The following DLGAP2 variants were observed in gnomAD, a reference collection of about 807,000 sequenced individuals.
DLGAP2 encodes the protein DLG associated protein 2, also known as disks large-associated protein 2.
Under a neutral mutation model 100.3 loss-of-function variants are expected in DLGAP2, and 26 were observed. The ratio of observed to expected loss-of-function variants is 0.26; its 90% confidence interval spans 0.19 to 0.36. DLGAP2 has a LOEUF of 0.36. Ranked by LOEUF, DLGAP2 falls within the 10% of genes least tolerant of loss-of-function variation. The pLI, the probability that DLGAP2 is intolerant of heterozygous loss-of-function variation, is 1.00. For missense variants in DLGAP2, 1,858 were observed against 1,453.2 expected (o/e 1.28, Z -4.53); for synonymous variants, 886 against 630.1 (o/e 1.41, Z -6.08).
chr8:1,501,835 A>G (rs546143104), intron 4 of DLGAP2, among the ~76,000 whole-genome samples: 1 of 152,096 alleles, frequency 6.6e-6, no homozygotes, highest in Non-Finnish European at 1.5e-5. Flanking sequence ...GGCCCCACAC[A>G]CTGGGGTCTG....
chr8:1,299,686 TA>T (rs1294141649), intron 3 of DLGAP2, among the ~76,000 whole-genome samples: 1 of 152,214 alleles, frequency 6.6e-6, no homozygotes, highest in Non-Finnish European at 1.5e-5. Context: ...ATTTTTAAAT[TA>T]TTTTTTTAAA....
chr8:1,124,742 G>T (rs541103866), intron 2 of DLGAP2, among the ~76,000 whole-genome samples: 1 of 152,164 alleles, frequency 6.6e-6, no homozygotes, highest in Non-Finnish European at 1.5e-5. Context: ...TGTCATTGCT[G>T]TCATCTGAAA....
At chr8:1,047,128 T>C (rs1563163405) in intron 2 of DLGAP2, among the ~76,000 whole-genome samples, 1 of 152,232 alleles carries the variant, frequency 6.6e-6, no homozygotes, top group African/African-American at 2.4e-5. Flanking sequence ...CCTAACTGGT[T>C]GGCAGTCACT....
chr8:913,597 A>G (rs569962350), intron 2 of DLGAP2, among the ~76,000 whole-genome samples: 3 of 152,320 alleles, frequency 2.0e-5, no homozygotes, highest in African/African-American at 7.2e-5. Context: ...ATGCCTTTTT[A>G]TAATGCTTTC....
At chr8:1,663,038 T>G (rs1798451179) in intron 8 of DLGAP2, among the ~76,000 whole-genome samples, 1 of 135,876 alleles carries the variant, frequency 7.4e-6, no homozygotes, top group African/African-American at 2.9e-5. Flanking sequence ...GTGTGGGGGA[T>G]GTGTGCCTGT....
At chr8:1,532,905 C>A (rs1452215971) in intron 4 of DLGAP2, among the ~76,000 whole-genome samples, 1 of 152,124 alleles carries the variant, frequency 6.6e-6, no homozygotes, top group African/African-American at 2.4e-5. Context: ...ATGAGCGTGG[C>A]TGCCTTTCCA....
chr8:1,083,593 A>G (rs1016087769), intron 2 of DLGAP2, among the ~76,000 whole-genome samples: 20 of 152,188 alleles, frequency 1.3e-4, no homozygotes, highest in African/African-American at 4.3e-4. Context: ...TTCCCTCATA[A>G]TTATGCTAAC....
chr8:1,496,184 C>T (rs964824084), intron 3 of DLGAP2, among the ~76,000 whole-genome samples: 1 of 152,172 alleles, frequency 6.6e-6, no homozygotes, highest in Non-Finnish European at 1.5e-5. Flanking sequence ...CTCTCTTCTG[C>T]CTCTTCATTG....
intron 2 of DLGAP2, among the ~76,000 whole-genome samples, chr8:988,425 C>A (rs915295546): frequency 6.6e-6 from 1 of 152,090 alleles, no homozygotes; most frequent in Non-Finnish European, 1.5e-5. Flanking sequence ...TATTACCTGC[C>A]CAAAGTCATT....
chr8:1,677,702 C>T (rs1366462439), intron 11 of DLGAP2, among the ~76,000 whole-genome samples: 1 of 152,208 alleles, frequency 6.6e-6, no homozygotes, highest in East Asian at 1.9e-4. Flanking sequence ...GATTTTCCAA[C>T]ACCTGCCAAA....
At chr8:1,572,337 G>T (rs1278236020) in intron 6 of DLGAP2, among the ~76,000 whole-genome samples, 3 of 131,394 alleles carry the variant, frequency 2.3e-5, no homozygotes, top group Admixed American at 1.5e-4. Flanking sequence ...AACTGTGGGG[G>T]CGTCTTCTGG....
chr8:873,138 ATGCTT>A (rs1797630152), intron 1 of DLGAP2, among the ~76,000 whole-genome samples: 1 of 152,224 alleles, frequency 6.6e-6, no homozygotes, highest in African/African-American at 2.4e-5. Context: ...TATAGTGTAA[ATGCTT>A]TGCATGAATA....
At chr8:772,416 A>G (rs933722801) in intron 1 of DLGAP2, among the ~76,000 whole-genome samples, 5 of 152,076 alleles carry the variant, frequency 3.3e-5, no homozygotes, top group Admixed American at 3.3e-4. Flanking sequence ...TCCGCCTCCC[A>G]GGTTCAAGTG....
At chr8:1,073,514 C>A (rs535849355) in intron 2 of DLGAP2, among the ~76,000 whole-genome samples, 17 of 152,124 alleles carry the variant, frequency 1.1e-4, no homozygotes, top group African/African-American at 4.1e-4. Flanking sequence ...AAGAACAAAA[C>A]GGTTGATTCA....
chr8:1,389,253 G>C (rs1796291084), intron 3 of DLGAP2, among the ~76,000 whole-genome samples: 1 of 140,722 alleles, frequency 7.1e-6, no homozygotes, highest in African/African-American at 3.2e-5. Flanking sequence ...AGGATTGGAA[G>C]GCGACGTGGC....
At chr8:1,255,071 G>GGTGCTGTGTGTGTGT (rs1346826922) in intron 2 of DLGAP2, among the ~76,000 whole-genome samples, 3 of 142,062 alleles carry the variant, frequency 2.1e-5, no homozygotes, top group African/African-American at 7.9e-5. Context: ...ATCCTGCCCG[G>GGTGCTGTGTGTGTGT]CCGCTGTGTG....
intron 2 of DLGAP2, among the ~76,000 whole-genome samples, chr8:942,928 T>G (rs1401791833): frequency 6.6e-6 from 1 of 152,230 alleles, no homozygotes; most frequent in Non-Finnish European, 1.5e-5. Flanking sequence ...CATGTTTGCC[T>G]CTCCAGTGAT....
chr8:1,682,563 C>A (rs959739684), intron 12 of DLGAP2, among the ~76,000 whole-genome samples: 5 of 151,954 alleles, frequency 3.3e-5, no homozygotes, highest in Non-Finnish European at 2.9e-5. Flanking sequence ...CAACCTCAGC[C>A]TCCCGAGTTC....
At chr8:998,511 C>G (rs564249396) in intron 2 of DLGAP2, among the ~76,000 whole-genome samples, 1 of 151,728 alleles carries the variant, frequency 6.6e-6, no homozygotes, top group Non-Finnish European at 1.5e-5. Context: ...CTGTGTCACC[C>G]AGGTTGATCT....
Sources: allele counts gnomAD v4.1 joint callset (sites outside exome capture counted in the v4.1 genomes callset), GRCh38; gene constraint gnomAD v4.1.1; transcripts MANE v1.5; gene names NCBI Gene and HGNC (gene_info 2026-07-23, HGNC 2026-07-21).